The following PDK1 variants were observed in gnomAD, a reference collection of about 807,000 sequenced individuals.
The protein encoded by PDK1 is [Pyruvate dehydrogenase (acetyl-transferring)] kinase isozyme 1, mitochondrial.
Under a neutral mutation model 54.2 loss-of-function variants are expected in PDK1, and 39 were observed. That is an observed-to-expected ratio of 0.72 (90% confidence interval 0.56 to 0.94). The LOEUF is 0.94. PDK1 is among the 40% of genes least tolerant of loss of function. The pLI is 0.00. For missense variants in PDK1, 552 were observed against 566.0 expected (o/e 0.98, Z 0.25); for synonymous variants, 221 against 207.1 (o/e 1.07, Z -0.58).
intron 8 of PDK1, among the ~76,000 whole-genome samples, chr2:172,579,956 C>A (rs1202500074): frequency 6.6e-6 from 1 of 151,830 alleles, no homozygotes; most frequent in Non-Finnish European, 1.5e-5. Context: ...ACTTCAGATT[C>A]CCAGCCCTTC....
chr2:172,626,329 A>G, the PDK1 span, among the ~76,000 whole-genome samples: 18 of 152,176 alleles, frequency 1.2e-4, no homozygotes, highest in Non-Finnish European at 1.5e-5. Flanking sequence ...GGTGATTAAA[A>G]AAAAGGAATT....
chr2:172,592,058 G>A (rs546638052), intron 9 of PDK1, among the ~76,000 whole-genome samples: 4 of 152,268 alleles, frequency 2.6e-5, no homozygotes, highest in East Asian at 1.9e-4. Flanking sequence ...GTGTCTGGTC[G>A]GACCTTCAGA....
chr2:172,634,772 CA>C, the PDK1 span, among the ~76,000 whole-genome samples: 5,478 of 129,654 alleles, frequency 0.042, 132 homozygotes, highest in African/African-American at 0.092. Context: ...TCTTAAAATG[CA>C]AAAAAAAAAA....
the PDK1 span, among the ~76,000 whole-genome samples, chr2:172,615,482 G>A: frequency 6.6e-6 from 1 of 152,110 alleles, no homozygotes; most frequent in Admixed American, 6.5e-5. Context: ...AATTAGCCAG[G>A]TGTGGTGGTG....
chr2:172,632,836 CG>C, the PDK1 span, among the ~76,000 whole-genome samples: 4 of 151,376 alleles, frequency 2.6e-5, no homozygotes, highest in African/African-American at 9.7e-5. Flanking sequence ...AAAAATTAGC[CG>C]GGTGTGGTGG....
At chr2:172,590,870 G>T (rs1336879554) in intron 9 of PDK1, among the ~76,000 whole-genome samples, 1 of 151,986 alleles carries the variant, frequency 6.6e-6, no homozygotes, top group Non-Finnish European at 1.5e-5. Flanking sequence ...AGACAGAAAA[G>T]TTCTCCAAGT....
upstream of PDK1, chr2:172,555,725 ATT>A (rs1688271533): frequency 6.4e-6 from 1 of 155,680 alleles, no homozygotes; most frequent in Non-Finnish European, 1.4e-5. Context: ...GGAAGGTGGG[ATT>A]TGTTTCAAAA....
chr2:172,641,534 C>G, the PDK1 span, among the ~76,000 whole-genome samples: 1 of 151,572 alleles, frequency 6.6e-6, no homozygotes, highest in Admixed American at 6.6e-5. Flanking sequence ...CTCTGCCTCC[C>G]GGGTTCACAC....
the PDK1 span, among the ~76,000 whole-genome samples, chr2:172,635,696 CCT>C: frequency 3.3e-5 from 5 of 152,308 alleles, no homozygotes; most frequent in Middle Eastern, 3.4e-3. Flanking sequence ...CTGCTGCCCC[CCT>C]CCACCCCGGG....
At chr2:172,642,786 C>G in the PDK1 span, among the ~76,000 whole-genome samples, 7 of 64,558 alleles carry the variant, frequency 1.1e-4, no homozygotes, top group East Asian at 2.8e-3. Context: ...CTCCTCCTCC[C>G]ACTCCTCCTC....
chr2:172,663,736 T>C, the PDK1 span, among the ~76,000 whole-genome samples: 1 of 152,244 alleles, frequency 6.6e-6, no homozygotes, highest in Admixed American at 6.5e-5. Flanking sequence ...CAGGAAGCAC[T>C]CTAGCTGGGA....
the PDK1 span, among the ~76,000 whole-genome samples, chr2:172,630,274 A>G: frequency 2.0e-5 from 3 of 152,266 alleles, no homozygotes; most frequent in East Asian, 5.8e-4. Flanking sequence ...CTATTTTTAT[A>G]TTGGACAATC....
At position 172,606,840 on chromosome 2, in the gene PDK1, A is replaced by G. The variant is rs999800864; in HGVS notation, c.*10871A>G. The G allele has an allele frequency of 3.3e-5, 5 of 152,088 alleles. No individual in the cohort carries two copies. In the East Asian group the frequency reaches 5.8e-4, roughly 18 times the overall value. The allele number at this position is 152,088 out of a possible 1,614,324, so 9.4% of individuals were successfully genotyped here. A position where few individuals can be genotyped will look rare whatever the true frequency, so the allele number is the denominator to read the frequency against. ...TCATTCAGTACATCCACAATGTGCA[A>G]TCACCACCTCTGTCTAGTTCCAAAA... On this transcript the variant is annotated 3_prime_UTR_variant, in exon 11 of 11. Transcript: ENST00000282077.
the PDK1 span, among the ~76,000 whole-genome samples, chr2:172,618,998 A>G: frequency 6.6e-6 from 1 of 152,184 alleles, no homozygotes; most frequent in Admixed American, 6.5e-5. Context: ...CCTATAGAGC[A>G]ACTCTGGATG....
chr2:172,721,936 G>A, the PDK1 span, among the ~76,000 whole-genome samples: 8 of 152,224 alleles, frequency 5.3e-5, no homozygotes, highest in Admixed American at 5.2e-4. Flanking sequence ...ATAGTAGAAT[G>A]CCATTGGGAA....
At chr2:172,612,066 G>T (rs565129755), downstream of PDK1, among the ~76,000 whole-genome samples, 14 of 152,304 alleles carry the variant, frequency 9.2e-5, no homozygotes, top group South Asian at 2.9e-3. Context: ...TTTAAAAGTT[G>T]TTTTCTCACA....
intron 10 of PDK1, among the ~76,000 whole-genome samples, chr2:172,594,706 C>A (rs891000327): frequency 2.0e-5 from 3 of 152,184 alleles, no homozygotes; most frequent in Admixed American, 6.5e-5. Flanking sequence ...AAATTGTCAA[C>A]ATCAAAGACT....
intron 1 of PDK1, among the ~76,000 whole-genome samples, chr2:172,557,489 G>A (rs1285469293): frequency 6.6e-6 from 1 of 152,084 alleles, no homozygotes; most frequent in Non-Finnish European, 1.5e-5. Flanking sequence ...GGAGTGTAGA[G>A]GGGTCAGGAG....
chr2:172,628,514 G>C, the PDK1 span, among the ~76,000 whole-genome samples: 1,432 of 152,098 alleles, frequency 9.4e-3, 24 homozygotes, highest in African/African-American at 0.033. Flanking sequence ...GTGCAAAATT[G>C]TCAGTAGGTA....
Sources: gnomAD v4.1 joint callset for allele counts (sites outside exome capture counted in the v4.1 genomes callset) on GRCh38, gnomAD v4.1.1 for gene constraint, MANE v1.5 for transcripts, NCBI Gene and HGNC (gene_info 2026-07-23, HGNC 2026-07-21) for gene names.